PLXNB2: variants seen among roughly 807,000 people sequenced by gnomAD.
PLXNB2 encodes the protein plexin-B2.
In PLXNB2, 85 loss-of-function variants were observed where a neutral mutation model predicts 202.6. The ratio of observed to expected loss-of-function variants is 0.42; its 90% CI spans 0.35 to 0.50. The LOEUF is 0.50. Ranked by LOEUF, PLXNB2 falls within the 20% of genes least tolerant of loss-of-function variation. The pLI is 0.02. For synonymous variants in PLXNB2, 1,239 were observed against 1,137.6 expected (o/e 1.09, Z -1.79); for missense variants, 2,063 against 2,586.2 (o/e 0.80, Z 4.39).
rs555251798 is a variant in PLXNB2, at chr22:50,288,668, C to T, written c.1380+75G>A. On this transcript the variant is annotated intron_variant, in intron 5 of 36. Transcript: ENST00000359337. This position sits in a 1 kb window ranked among gnomAD's most constrained non-coding sequence, Gnocchi z 5.0. ...CCCCATCCTCCTCTGGCCCCCAGGC[C>T]TGTCCTAAGGGCCTGGGATGCAATG... The T allele has an allele frequency of 3.3e-5, 52 of 1,578,568 alleles. No homozygotes were observed. In the Admixed American group the frequency reaches 6.5e-4, roughly 20 times the overall value.
At position 50,283,344 on chromosome 22, in the gene PLXNB2, G is replaced by A; in HGVS notation, c.2672C>T (p.Thr891Ile). The change falls in exon 16 of 37, where the codon ACC (threonine) becomes ATC (isoleucine). Residue 891 changes from threonine (T) to isoleucine (I), a missense_variant. Physicochemically the swap from Thr to Ile is moderately conservative, Grantham distance 89 (BLOSUM62 -1). Coordinates refer to ENST00000359337, the MANE Select transcript of PLXNB2 (RefSeq NM_012401.4). ...LGRSPPNVQF[T>I]FQQPKPLSVE... The stretch of plus-strand genomic sequence containing the variant: ...CCGAGGCCGGGTGCTTACTTGGAAG[G>A]TGAACTGGACATTGGGAGGCGAACG... 1.9e-6 allele frequency: 3 copies of A among 1,613,018 alleles called. No individual in the cohort carries two copies. The highest frequency in any genetic ancestry group is 2.5e-6 in the Non-Finnish European group (3 of 1,179,860).
intron 1 of PLXNB2, among the ~76,000 whole-genome samples, chr22:50,303,581 C>T (rs1163463168): frequency 6.6e-6 from 1 of 152,262 alleles, no homozygotes; most frequent in Admixed American, 6.5e-5. Context: ...CGTGTTCACA[C>T]AGGAGGCCTT....
At chr22:50,300,291 A>G in intron 1 of PLXNB2, 3 of 985,282 alleles carry the variant, frequency 3.0e-6, no homozygotes, top group Non-Finnish European at 3.6e-6. Context: ...CGTCGGGCAC[A>G]TCGGATCGCA....
intron 7 of PLXNB2, among the ~76,000 whole-genome samples, 188 bp downstream of exon 7, chr22:50,287,479 C>A (rs2066543116): frequency 6.6e-6 from 1 of 152,170 alleles, no homozygotes; most frequent in African/African-American, 2.4e-5. Flanking sequence ...CCCACCCCTG[C>A]CCGCCCAGGT....
At chr22:50,282,454 G>A (rs1410263431) in intron 18 of PLXNB2, 141 bp from the exon 19 acceptor site, 9 of 766,764 alleles carry the variant, frequency 1.2e-5, no homozygotes, top group African/African-American at 4.8e-5. Flanking sequence ...AAGGGGCAAC[G>A]CGGTGGGACG....
chr22:50,301,387 T>C (rs930331591), intron 1 of PLXNB2: 310 of 961,790 alleles, frequency 3.2e-4, no homozygotes, highest in Non-Finnish European at 3.6e-4. Flanking sequence ...GTGGGAGGGG[T>C]GGGCACCGCC....
At position 50,284,822 on chromosome 22, in the gene PLXNB2, C is replaced by T. The variant is rs896284528; in HGVS notation, c.2089-157G>A. 13 of 763,030 alleles carry T rather than the reference C, an allele frequency of 1.7e-5. No homozygotes were observed. Among genetic ancestry groups the T allele is most frequent in the Admixed American group, 8.8e-5 (5 of 56,988 alleles). The allele number at this position is 763,030 out of a possible 1,614,324, so 47.3% of individuals were successfully genotyped here. On this transcript the variant is annotated intron_variant, in intron 11 of 36. Coordinates refer to ENST00000359337, the MANE Select transcript of PLXNB2 (RefSeq NM_012401.4). The surrounding 1 kb of genome is among the most constrained non-coding windows in gnomAD (Gnocchi z 8.0). Reference sequence around the variant, plus strand: ...CAGATTACCATGCCAGCTGACCCCTCGGCCACTCCTGAGCCCAAACACCTG... The same window carrying T: ...CAGATTACCATGCCAGCTGACCCCTTGGCCACTCCTGAGCCCAAACACCTG...
chr22:50,276,005 G>A (rs766217852), intron 35 of PLXNB2, 42 bp from the exon 36 acceptor site: 5 of 1,559,882 alleles, frequency 3.2e-6, no homozygotes, highest in Non-Finnish European at 4.4e-6. Flanking sequence ...AGGGGCTGTG[G>A]GAGCCCCAGG....
At position 50,275,904 on chromosome 22, in the gene PLXNB2, C is replaced by T. The variant is rs1226691764; in HGVS notation, c.5397G>A (p.Gln1799=). Residue 1799 remains glutamine (Q), a synonymous_variant, in exon 36 of 37, where the codon CAG becomes CAA. Coordinates refer to ENST00000359337, the MANE Select transcript of PLXNB2 (RefSeq NM_012401.4). ...CTGACCCTACCTCGTCATAGTACTT[C>T]TGCGTGTATTGGTAGAGCTGGTGGA... ...VALHQLYQYT[Q]KYYDEIINAL... 1 of 1,612,626 alleles carries T rather than the reference C, an allele frequency of 6.2e-7. No homozygotes were observed.
rs989697566 is a variant in PLXNB2, at chr22:50,279,616, C to T, written c.4389+14G>A. The T allele has an allele frequency of 6.2e-7, 1 of 1,612,782 alleles. No individual in the cohort carries two copies. The highest frequency in any genetic ancestry group is 8.5e-7 in the Non-Finnish European group (1 of 1,179,496). ...TCCGAGGCGCCCATGGCGGCCCCCA[C>T]CCCAGAAGCTCACCAGGGGTGCGTA... is the stretch of plus-strand genomic sequence containing the variant. On this transcript the variant is annotated intron_variant, in intron 27 of 36. Coordinates refer to ENST00000359337, the MANE Select transcript of PLXNB2 (RefSeq NM_012401.4).
At chr22:50,276,803 T>C in intron 34 of PLXNB2, 39 bp downstream of exon 34, 1 of 1,597,456 alleles carries the variant, frequency 6.3e-7, no homozygotes, top group Non-Finnish European at 8.6e-7. Flanking sequence ...GGGTCGAGGG[T>C]GGGCATGGGG....
intron 2 of PLXNB2, 112 bp from the exon 3 acceptor site, chr22:50,290,709 C>T (rs1286631586): frequency 1.7e-6 from 2 of 1,182,732 alleles, no homozygotes; most frequent in Non-Finnish European, 2.3e-6. Context: ...TCACGCCACT[C>T]CACGAACTGA....
rs2066503901 is a variant in PLXNB2, at chr22:50,287,007, C to T, written c.1762+104G>A. On this transcript the variant is annotated intron_variant, in intron 8 of 36. Coordinates refer to ENST00000359337, the MANE Select transcript of PLXNB2 (RefSeq NM_012401.4). Reference sequence around the variant, plus strand: ...CCCCCGGAGCAGCCGCGGAGTGTGCCTGTGCAGAGCCTGCACCCAGGGGCC... The same window carrying T: ...CCCCCGGAGCAGCCGCGGAGTGTGCTTGTGCAGAGCCTGCACCCAGGGGCC... 1.3e-5 allele frequency: 15 copies of T among 1,180,154 alleles called. No homozygotes were observed. In the South Asian group the frequency reaches 2.4e-4, roughly 19 times the overall value. The allele number at this position is 1,180,154 out of a possible 1,614,324, so 73.1% of individuals were successfully genotyped here.
chr22:50,282,987 A>G, intron 17 of PLXNB2, 63 bp downstream of exon 17: 1 of 1,573,082 alleles, frequency 6.4e-7, no homozygotes, highest in Non-Finnish European at 8.6e-7. Context: ...GGTCTCAGTA[A>G]GTGCCCCCCT....
chr22:50,295,245 C>T (rs963179550), intron 1 of PLXNB2, among the ~76,000 whole-genome samples: 28 of 150,196 alleles, frequency 1.9e-4, no homozygotes, highest in Non-Finnish European at 3.5e-4. Flanking sequence ...GGCATGAACC[C>T]GGCCGATGGA....
chr22:50,283,656 G>A lies in PLXNB2; in HGVS notation c.2516C>T (p.Ser839Phe), dbSNP rs2066191856. The part of the protein sequence containing the change: ...GVQAGDIQRI[S>F]VAGRNCSFQP... ...AAAGGAGCAGTTCCGGCCGGCCACAGAGATCCTCTGGATGTCCCCTGCTTG... is the reference window on the plus strand; with the variant it reads ...AAAGGAGCAGTTCCGGCCGGCCACAAAGATCCTCTGGATGTCCCCTGCTTG... The change falls in exon 15 of 37, where the codon TCT becomes TTT. Residue 839 changes from serine to phenylalanine, a missense_variant. Ser to Phe is a radical substitution (Grantham distance 155). Transcript: ENST00000359337. 6.2e-7 allele frequency: 1 copy of A among 1,613,056 alleles called. No homozygotes were observed. The highest frequency in any genetic ancestry group is 8.5e-7 in the Non-Finnish European group (1 of 1,179,986).
intron 1 of PLXNB2, among the ~76,000 whole-genome samples, chr22:50,304,509 G>A (rs2067818142): frequency 6.6e-6 from 1 of 152,100 alleles, no homozygotes; most frequent in Non-Finnish European, 1.5e-5. Flanking sequence ...GAAAGGCAGG[G>A]GTCCTTACAA....
At position 50,275,738 on chromosome 22, in the gene PLXNB2, G is replaced by A. The variant is rs866516387; in HGVS notation, c.5483C>T (p.Ala1828Val). Residue 1828 changes from alanine to valine, a missense_variant, in exon 37 of 37, where the codon GCC (alanine) becomes GTC (valine). Ala to Val is a moderately conservative substitution (Grantham distance 64, BLOSUM62 0). Around this residue, in one of 2 missense-constraint regions of PLXNB2, gnomAD observed 760 missense variants for 1,109.4 expected, o/e 0.69. Coordinates refer to ENST00000359337, the MANE Select transcript of PLXNB2 (RefSeq NM_012401.4). Reference sequence around the variant, plus strand: ...AGTGACCTTGTTCTCCAGTGCAGCGGCAATCTGCTGCAGGCGGAAGGCCAG... The same window carrying A: ...AGTGACCTTGTTCTCCAGTGCAGCGACAATCTGCTGCAGGCGGAAGGCCAG... ...MQLAFRLQQI[A>V]AALENKVTDL is the part of the protein sequence containing the mutation. 6.2e-7 allele frequency: 1 copy of A among 1,611,450 alleles called. No homozygotes were observed.
At chr22:50,300,479 G>A (rs951376467) in intron 1 of PLXNB2, among the ~76,000 whole-genome samples, 13 of 152,230 alleles carry the variant, frequency 8.5e-5, no homozygotes, top group African/African-American at 1.4e-4. Flanking sequence ...TCCGGACCCA[G>A]GGTCAAGGCC....
Sources: gnomAD v4.1 joint callset for allele counts (sites outside exome capture counted in the v4.1 genomes callset) on GRCh38, gnomAD v4.1.1 for gene constraint, gnomAD v4.1.1 regional missense constraint, Gnocchi (gnomAD v3.1) non-coding constraint, MANE v1.5 for transcripts, NCBI Gene and HGNC (gene_info 2026-07-23, HGNC 2026-07-21) for gene names.